The following PCDHGA2 variants were observed in gnomAD, a reference collection of about 807,000 sequenced individuals.
PCDHGA2 encodes protocadherin gamma subfamily A, 2.
Under a neutral mutation model 59.2 loss-of-function variants are expected in PCDHGA2, and 40 were observed. The observed-to-expected ratio is 0.68, with a 90% CI of 0.52 to 0.88. The LOEUF (loss-of-function observed/expected upper bound fraction) is 0.88, where lower values mean the gene tolerates loss of function less well. PCDHGA2 is among the 40% of genes least tolerant of loss of function. PCDHGA2 has a pLI of 0.00. For synonymous variants in PCDHGA2, 560 were observed against 526.0 expected (o/e 1.06, Z -0.89); for missense variants, 1,226 against 1,204.0 (o/e 1.02, Z -0.27).
intron 1 of PCDHGA2, chr5:141,403,051 C>T (rs1273209859): frequency 3.7e-6 from 6 of 1,614,086 alleles, no homozygotes; most frequent in Admixed American, 1.7e-5. Context: ...AGATTCGCTA[C>T]TCAGTGCCTG....
intron 1 of PCDHGA2, among the ~76,000 whole-genome samples, chr5:141,437,490 A>C (rs549866784): frequency 6.6e-6 from 1 of 152,190 alleles, no homozygotes; most frequent in African/African-American, 2.4e-5. Flanking sequence ...AATCTCGTAG[A>C]TCACTTTTCA....
intron 1 of PCDHGA2, chr5:141,419,684 G>A (rs1286646418): frequency 5.4e-5 from 87 of 1,612,770 alleles, no homozygotes; most frequent in Non-Finnish European, 7.3e-5. Flanking sequence ...CTACCACGTG[G>A]TGCAGGCCAG....
intron 1 of PCDHGA2, among the ~76,000 whole-genome samples, chr5:141,473,858 C>T (rs569473917): frequency 6.6e-6 from 1 of 152,168 alleles, no homozygotes; most frequent in Non-Finnish European, 1.5e-5. Flanking sequence ...ATGAACCTCG[C>T]TATTGTGGAG....
chr5:141,343,985 CG>C (rs1441140087), intron 1 of PCDHGA2: 13 of 1,448,204 alleles, frequency 9.0e-6, no homozygotes, highest in Non-Finnish European at 1.2e-5. Context: ...TGGAGTCCGT[CG>C]TAGGAAACTG....
At position 141,487,905 on chromosome 5, in the gene PCDHGA2, G is replaced by A. The variant is rs1305989274; in HGVS notation, c.2425-6902G>A. The A allele has an allele frequency of 2.9e-6, 2 of 686,270 alleles. No individual in the cohort carries two copies. The highest frequency in any genetic ancestry group is 3.6e-5 in the African/African-American group (2 of 55,348). The allele number at this position is 686,270 out of a possible 1,614,324, so 42.5% of individuals were successfully genotyped here. ...GTGGAAGCATGATGATGGAATGTGG[G>A]AGCACAGGAGGCTACAGTGCACAGG... On this transcript the variant is annotated intron_variant, in intron 1 of 3. Coordinates refer to ENST00000394576, the MANE Select transcript of PCDHGA2 (RefSeq NM_018915.4). This position sits in a 1 kb window ranked among gnomAD's most constrained non-coding sequence, Gnocchi z 5.0.
intron 1 of PCDHGA2, chr5:141,388,960 A>C: frequency 1.2e-6 from 2 of 1,614,038 alleles, no homozygotes; most frequent in Non-Finnish European, 1.7e-6. Context: ...GAGGACGCCG[A>C]GCTGGGAACA....
At chr5:141,371,430 G>C in intron 1 of PCDHGA2, 1 of 1,613,962 alleles carries the variant, frequency 6.2e-7, no homozygotes, top group South Asian at 1.1e-5. Flanking sequence ...CAATGCCCCG[G>C]AGATAACCCT....
In PCDHGA2 at chr5:141,477,825, C is replaced by A; in HGVS notation, c.2425-16982C>A. The A allele has an allele frequency of 2.5e-6, 4 of 1,614,174 alleles. No individual in the cohort carries two copies. The South Asian group carries it at 4.4e-5, about 18-fold the overall frequency. On this transcript the variant is annotated intron_variant, in intron 1 of 3. Transcript: ENST00000394576. This position sits in a 1 kb window ranked among gnomAD's most constrained non-coding sequence, Gnocchi z 4.9. ...GACAATGCCCCCCAGGTCCTATATC[C>A]TCGGCCAGGTGGGAGCTCGGTGGAG...
At chr5:141,389,990 C>G (rs2091998485) in intron 1 of PCDHGA2, 2 of 1,614,044 alleles carry the variant, frequency 1.2e-6, no homozygotes, top group Non-Finnish European at 1.7e-6. Flanking sequence ...TGCTCTTCCT[C>G]GTGGCCATGA....
At chr5:141,446,312 T>C (rs2098498076) in intron 1 of PCDHGA2, among the ~76,000 whole-genome samples, 1 of 152,208 alleles carries the variant, frequency 6.6e-6, no homozygotes, top group African/African-American at 2.4e-5. Flanking sequence ...GAGTGATTCC[T>C]GGGTTTCCAC....
At position 141,476,043 on chromosome 5, in the gene PCDHGA2, A is replaced by T. The variant is rs2099384502; in HGVS notation, c.2425-18764A>T. 1 of 1,492,156 alleles carries T rather than the reference A, an allele frequency of 6.7e-7. No individual in the cohort carries two copies. Among genetic ancestry groups the T allele is most frequent in the African/African-American group, 1.4e-5 (1 of 71,628 alleles). The allele number at this position is 1,492,156 out of a possible 1,614,324, so 92.4% of individuals were successfully genotyped here. On this transcript the variant is annotated intron_variant, in intron 1 of 3. Coordinates refer to ENST00000394576, the MANE Select transcript of PCDHGA2 (RefSeq NM_018915.4). The surrounding 1 kb of genome is among the most constrained non-coding windows in gnomAD (Gnocchi z 7.6). ...ACTCGGCGCCCAGCGCCCAAGCGCT[A>T]ACCCGCTGAAAGTTTCTCAGCGAAA...
At chr5:141,389,725 T>A in intron 1 of PCDHGA2, 1 of 1,612,726 alleles carries the variant, frequency 6.2e-7, no homozygotes, top group South Asian at 1.1e-5. Flanking sequence ...GAGCCCGGGC[T>A]CTTCAGCCTG....
intron 1 of PCDHGA2, among the ~76,000 whole-genome samples, chr5:141,381,826 C>CTT (rs770630741): frequency 0.12 from 9,186 of 74,154 alleles, 568 homozygotes; most frequent in African/African-American, 0.16. Context: ...CTTTCTTCTT[C>CTT]TTTTTTTTTT....
At chr5:141,360,012 C>T (rs1454398218) in intron 1 of PCDHGA2, 8 of 1,240,128 alleles carry the variant, frequency 6.5e-6, no homozygotes, top group Non-Finnish European at 8.6e-6. Flanking sequence ...ACCAACCACA[C>T]AGAGAAGGCC....
chr5:141,351,737 G>A (rs759972486), intron 1 of PCDHGA2: 1 of 1,613,678 alleles, frequency 6.2e-7, no homozygotes, highest in East Asian at 2.2e-5. Context: ...CAGTGACCTG[G>A]AGCCGCGGGA....
chr5:141,349,242 A>AT (rs11302014), intron 1 of PCDHGA2, among the ~76,000 whole-genome samples: 1 of 151,700 alleles, frequency 6.6e-6, no homozygotes, highest in East Asian at 1.9e-4. Flanking sequence ...GATAATTTTT[A>AT]TTTTTTTTAG....
In PCDHGA2 at chr5:141,485,869, G is replaced by A; in HGVS notation, c.2425-8938G>A. On this transcript the variant is annotated intron_variant, in intron 1 of 3. Coordinates refer to ENST00000394576, the MANE Select transcript of PCDHGA2 (RefSeq NM_018915.4). The surrounding 1 kb of genome is among the most constrained non-coding windows in gnomAD (Gnocchi z 5.7). ...GCACCGCAGAGCTCCGGGTATCCGT[G>A]CTGGACGTAAACGACAACGCCCCAG... is the stretch of plus-strand genomic sequence containing the variant. 1 of 1,614,176 alleles carries A rather than the reference G, an allele frequency of 6.2e-7. No individual in the cohort carries two copies. The highest frequency in any genetic ancestry group is 8.5e-7 in the Non-Finnish European group (1 of 1,180,040).
chr5:141,410,631 C>CT (rs768462511), intron 1 of PCDHGA2: 26 of 1,600,818 alleles, frequency 1.6e-5, no homozygotes, highest in Non-Finnish European at 2.2e-5. Context: ...GTGAGTTTCT[C>CT]TTTTTTGTGT....
chr5:141,388,775 G>A (rs1187741321), intron 1 of PCDHGA2: 1 of 1,613,726 alleles, frequency 6.2e-7, no homozygotes, highest in Non-Finnish European at 8.5e-7. Context: ...CTAACACCGG[G>A]GAAATTACTG....
Sources: gnomAD v4.1 joint callset for allele counts (sites outside exome capture counted in the v4.1 genomes callset) on GRCh38, gnomAD v4.1.1 for gene constraint, Gnocchi (gnomAD v3.1) non-coding constraint, MANE v1.5 for transcripts, NCBI Gene and HGNC (gene_info 2026-07-23, HGNC 2026-07-21) for gene names.